ANKFN1: variants seen among roughly 807,000 people sequenced by gnomAD.
ANKFN1 encodes ankyrin repeat and fibronectin type III domain containing 1.
In ANKFN1, 74 loss-of-function variants were observed where a neutral mutation model predicts 108.7. The observed-to-expected ratio is 0.68, with a 90% CI of 0.56 to 0.83. The LOEUF (loss-of-function observed/expected upper bound fraction) is 0.83. Among genes scored for constraint, ANKFN1 ranks in the 40% least tolerant of loss-of-function variants. ANKFN1 has a pLI of 0.00. For synonymous variants in ANKFN1, 547 were observed against 516.2 expected (o/e 1.06, Z -0.81); for missense variants, 1,505 against 1,382.3 (o/e 1.09, Z -1.41).
chr17:56,264,938 C>T (rs545681796), intron 3 of ANKFN1, among the ~76,000 whole-genome samples: 1 of 152,262 alleles, frequency 6.6e-6, no homozygotes, highest in Admixed American at 6.5e-5. Flanking sequence ...CCCCAGCCCT[C>T]TAGCTCAGGC....
chr17:56,442,397 T>C (rs2145169632), intron 9 of ANKFN1, among the ~76,000 whole-genome samples: 1 of 152,346 alleles, frequency 6.6e-6, no homozygotes, highest in East Asian at 1.9e-4. Flanking sequence ...TTATAACTTA[T>C]TCATTTTCTA....
Position 56,510,740 on chromosome 17 carries a change from A to T in ANKFN1, c.2912A>T (p.His971Leu). ...GATCACTCATGTGCCGAGTTTCTCCATAGCCTGACCCTCACGGGGTTCACA... is the reference window on the plus strand; with the variant it reads ...GATCACTCATGTGCCGAGTTTCTCCTTAGCCTGACCCTCACGGGGTTCACA... ...NPDHSCAEFL[H>L]SLTLTGFTPK... The change falls in exon 21 of 21, where the codon CAT (histidine) becomes CTT (leucine). Residue 971 changes from histidine (H) to leucine (L), a missense_variant. Transcript: ENST00000682825. 13 of 1,536,132 alleles carry T rather than the reference A, an allele frequency of 8.5e-6. No homozygotes were observed. The highest frequency in any genetic ancestry group is 9.6e-6 in the Non-Finnish European group (11 of 1,146,900).
At chr17:56,151,597 T>G (rs1318651382), upstream of ANKFN1, among the ~76,000 whole-genome samples, 1 of 152,104 alleles carries the variant, frequency 6.6e-6, no homozygotes, top group Non-Finnish European at 1.5e-5. Context: ...CCAAGGGTAT[T>G]GAAAAGAAGA....
At position 56,112,253 on chromosome 17, in the gene ANKFN1, G is replaced by T. The variant is rs137862754; in HGVS notation, c.288+65928G>T. ...AAACCATTCTAATATCATTCCTGAG[G>T]GAGTTGACTTACAGAAGGATGGCCT... On this transcript the variant is annotated intron_variant, in intron 4 of 12. Coordinates refer to the ANKFN1 transcript ENST00000635860. Among the ~76,000 whole-genome samples the T allele has an allele frequency of 1.7e-3, 263 of 152,082 alleles. 1 individual carries two copies. The highest frequency in any genetic ancestry group is 2.6e-3 in the Non-Finnish European group (174 of 68,006).
At chr17:56,349,840 C>T (rs868775408) in intron 4 of ANKFN1, among the ~76,000 whole-genome samples, 14 of 152,152 alleles carry the variant, frequency 9.2e-5, no homozygotes, top group South Asian at 2.1e-4. Flanking sequence ...CCAGAGAACG[C>T]TGGGCCCAGT....
At chr17:56,125,875 A>G (rs1264832860) in intron 4 of ANKFN1, among the ~76,000 whole-genome samples, 2 of 152,220 alleles carry the variant, frequency 1.3e-5, no homozygotes, top group African/African-American at 4.8e-5. Context: ...ACAGGCCGGC[A>G]GGGGCCACCA....
At chr17:56,172,509 T>C (rs1394627778) in intron 1 of ANKFN1, among the ~76,000 whole-genome samples, 1 of 151,982 alleles carries the variant, frequency 6.6e-6, no homozygotes, top group East Asian at 1.9e-4. Flanking sequence ...ACAAGCTCAG[T>C]ATGATACAAA....
At chr17:56,106,889 T>C (rs1223851199) in intron 4 of ANKFN1, among the ~76,000 whole-genome samples, 2 of 152,184 alleles carry the variant, frequency 1.3e-5, no homozygotes, top group East Asian at 3.9e-4. Context: ...ACTGAAGCAG[T>C]GGGCATTTTC....
rs937844302 is a variant in ANKFN1, at chr17:56,090,268, C to A, written c.288+43943C>A. The stretch of plus-strand genomic sequence containing the variant: ...GTAAGTCGTTAAGTTTCCAACCTAT[C>A]TGCAATAGAGAAGAGCTGAAAATTT... On this transcript the variant is annotated intron_variant, in intron 4 of 12. Transcript: ENST00000635860. 2.0e-5 allele frequency among the ~76,000 whole-genome samples: 3 copies of A among 151,152 alleles called. 1 individual carries two copies. Among genetic ancestry groups the A allele is most frequent in the African/African-American group, 7.3e-5 (3 of 41,154 alleles).
intron 10 of ANKFN1, among the ~76,000 whole-genome samples, chr17:56,445,131 T>C (rs1267059819): frequency 6.6e-6 from 1 of 152,240 alleles, no homozygotes; most frequent in African/African-American, 2.4e-5. Context: ...AACAGAATTC[T>C]AAGATTAGGA....
intron 8 of ANKFN1, among the ~76,000 whole-genome samples, chr17:56,414,679 A>G (rs1567983372): frequency 6.6e-6 from 1 of 152,202 alleles, no homozygotes; most frequent in Non-Finnish European, 1.5e-5. Context: ...GATCATTTCA[A>G]TTGATGCTGA....
At chr17:56,466,674 G>A (rs2050084478) in intron 15 of ANKFN1, 103 bp downstream of exon 15, 3 of 933,866 alleles carry the variant, frequency 3.2e-6, no homozygotes, top group Non-Finnish European at 4.8e-6. Context: ...ATGCAGTGAT[G>A]GAGTGGAGAG....
At chr17:56,171,437 A>G (rs1364557780) in intron 1 of ANKFN1, among the ~76,000 whole-genome samples, 1 of 152,126 alleles carries the variant, frequency 6.6e-6, no homozygotes, top group African/African-American at 2.4e-5. Context: ...CTGCAAACCA[A>G]CGGTCTACAG....
At chr17:56,052,818 G>C (rs1007155304) in intron 4 of ANKFN1, among the ~76,000 whole-genome samples, 2 of 152,180 alleles carry the variant, frequency 1.3e-5, no homozygotes, top group Non-Finnish European at 2.9e-5. Context: ...CCAGAGAGTA[G>C]ATGGGGTCTC....
intron 3 of ANKFN1, among the ~76,000 whole-genome samples, chr17:56,314,770 C>T (rs1288871046): frequency 6.6e-6 from 1 of 152,144 alleles, no homozygotes; most frequent in Non-Finnish European, 1.5e-5. Flanking sequence ...GCTCAAGCTG[C>T]CCTCATCAGT....
At position 56,178,364 on chromosome 17, in the gene ANKFN1, C is replaced by T. The variant is rs542107547; in HGVS notation, c.-71+24834C>T. Among the ~76,000 whole-genome samples the T allele has an allele frequency of 9.2e-5, 14 of 152,250 alleles. No homozygotes were observed. In the South Asian group the frequency reaches 2.9e-3, roughly 32 times the overall value. On this transcript the variant is annotated intron_variant, in intron 1 of 20. Coordinates refer to ENST00000682825, the MANE Select transcript of ANKFN1 (RefSeq NM_001370326.1). The stretch of plus-strand genomic sequence containing the variant: ...ATCATATCATTAGATACGTAAAGTT[C>T]CCAATATAATTTGGCAACATAAGCT...
At chr17:56,218,985 G>A (rs1289228820) in intron 2 of ANKFN1, among the ~76,000 whole-genome samples, 2 of 151,978 alleles carry the variant, frequency 1.3e-5, no homozygotes, top group East Asian at 3.9e-4. Context: ...GTCTATTACA[G>A]TACTTTTCAC....
chr17:56,467,777 AAG>A (rs1491218106), intron 15 of ANKFN1, among the ~76,000 whole-genome samples: 1 of 18,408 alleles, frequency 5.4e-5, no homozygotes, highest in Non-Finnish European at 1.3e-4. Context: ...GAAAGAAAGA[AAG>A]AAAGAAAGAA....
chr17:56,270,398 C>T (rs1017645523), intron 3 of ANKFN1, among the ~76,000 whole-genome samples: 5 of 152,196 alleles, frequency 3.3e-5, no homozygotes, highest in African/African-American at 1.2e-4. Context: ...TCCAGGGCTA[C>T]AGGAAGAGAG....
Sources: allele counts gnomAD v4.1 joint callset (sites outside exome capture counted in the v4.1 genomes callset), GRCh38; gene constraint gnomAD v4.1.1; transcripts MANE v1.5; gene names NCBI Gene and HGNC (gene_info 2026-07-23, HGNC 2026-07-21).